Variants in RBMS3 observed in about 807,000 individuals in gnomAD.
RBMS3 encodes RNA-binding motif, single-stranded-interacting protein 3.
RBMS3 carries 27 observed loss-of-function variants against 66.8 expected under a neutral mutation model. The observed-to-expected ratio is 0.40, with a 90% confidence interval of 0.30 to 0.56. The LOEUF is 0.56. Among genes scored for constraint, RBMS3 ranks in the 20% least tolerant of loss-of-function variants. The pLI, the probability that RBMS3 is intolerant of heterozygous loss-of-function variation, is 0.40. For synonymous variants in RBMS3, 188 were observed against 183.0 expected (o/e 1.03, Z -0.22); for missense variants, 513 against 549.5 (o/e 0.93, Z 0.66).
At chr3:29,536,876 G>A (rs1403731010) in intron 3 of RBMS3, among the ~76,000 whole-genome samples, 1 of 152,186 alleles carries the variant, frequency 6.6e-6, no homozygotes, top group Non-Finnish European at 1.5e-5. Context: ...GAATTAGGCT[G>A]GACCTAAATG....
At chr3:29,744,556 G>A (rs2054792054) in intron 5 of RBMS3, among the ~76,000 whole-genome samples, 1 of 152,142 alleles carries the variant, frequency 6.6e-6, no homozygotes, top group Non-Finnish European at 1.5e-5. Context: ...GGCCAAGGCA[G>A]GCAGATCATG....
intron 1 of RBMS3, among the ~76,000 whole-genome samples, chr3:29,332,657 C>T (rs547728966): frequency 1.3e-5 from 2 of 152,204 alleles, no homozygotes; most frequent in South Asian, 4.1e-4. Flanking sequence ...AGTTATACAC[C>T]CTCTTTCCAA....
chr3:29,999,135 T>C (rs2125397099), intron 14 of RBMS3, among the ~76,000 whole-genome samples: 1 of 152,292 alleles, frequency 6.6e-6, no homozygotes, highest in East Asian at 1.9e-4. Flanking sequence ...AAGAAGACAT[T>C]TATGCAGCCA....
intron 7 of RBMS3, 38 bp from the exon 8 acceptor site, chr3:29,884,115 ATAAAAACGT>A (rs2059801336): frequency 1.3e-6 from 2 of 1,544,230 alleles, no homozygotes; most frequent in Non-Finnish European, 1.8e-6. Flanking sequence ...GGGCACCACA[ATAAAAACGT>A]TAAGATTTGT....
chr3:29,308,427 A>G (rs1451954831), intron 1 of RBMS3, among the ~76,000 whole-genome samples: 1 of 151,822 alleles, frequency 6.6e-6, no homozygotes, highest in Non-Finnish European at 1.5e-5. Context: ...GTACATAGAA[A>G]GCACTTAGTC....
At chr3:29,862,504 G>A (rs536170655) in intron 6 of RBMS3, among the ~76,000 whole-genome samples, 1 of 152,050 alleles carries the variant, frequency 6.6e-6, no homozygotes. Flanking sequence ...TTAACACAAA[G>A]AGAAACAGCA....
chr3:29,313,546 T>C (rs1286802706), intron 1 of RBMS3, among the ~76,000 whole-genome samples: 2 of 151,654 alleles, frequency 1.3e-5, no homozygotes, highest in Admixed American at 1.3e-4. Context: ...AACAGTACCA[T>C]GTTAAATGTC....
intron 1 of RBMS3, among the ~76,000 whole-genome samples, chr3:29,420,235 G>A (rs550694730): frequency 3.3e-5 from 5 of 152,244 alleles, no homozygotes; most frequent in Non-Finnish European, 7.4e-5. Context: ...AAATCAGCCT[G>A]TGCATTCCGC....
At chr3:29,765,424 T>G (rs915456443) in intron 6 of RBMS3, among the ~76,000 whole-genome samples, 1 of 151,994 alleles carries the variant, frequency 6.6e-6, no homozygotes, top group Non-Finnish European at 1.5e-5. Flanking sequence ...CCGAATCTTT[T>G]TCATTACTTT....
intron 2 of RBMS3, among the ~76,000 whole-genome samples, chr3:29,436,073 A>G (rs2041393216): frequency 6.6e-6 from 1 of 151,906 alleles, no homozygotes. Flanking sequence ...TTTGATTGTG[A>G]CTTAGCTGTG....
chr3:29,733,582 T>A (rs1297313143), intron 4 of RBMS3, among the ~76,000 whole-genome samples: 2 of 152,096 alleles, frequency 1.3e-5, no homozygotes, highest in East Asian at 1.9e-4. Context: ...AGATGATATA[T>A]CATTGTGGTT....
chr3:29,838,628 G>C, intron 6 of RBMS3, among the ~76,000 whole-genome samples: 1 of 152,144 alleles, frequency 6.6e-6, no homozygotes, highest in South Asian at 2.1e-4. Flanking sequence ...GACATTTGTC[G>C]CACATTTAAC....
At chr3:29,492,702 C>T (rs13318178) in intron 3 of RBMS3, among the ~76,000 whole-genome samples, 3,788 of 151,794 alleles carry the variant, frequency 0.025, 138 homozygotes, top group African/African-American at 0.084. Flanking sequence ...CTTACAGGTC[C>T]AGTGGGAGGA....
chr3:29,516,596 C>A (rs973489014), intron 3 of RBMS3, among the ~76,000 whole-genome samples: 1 of 151,972 alleles, frequency 6.6e-6, no homozygotes, highest in Admixed American at 6.6e-5. Flanking sequence ...GTGCATGCCA[C>A]CATGCCTAAG....
At chr3:29,875,497 T>C (rs1036080679) in intron 7 of RBMS3, among the ~76,000 whole-genome samples, 2 of 152,056 alleles carry the variant, frequency 1.3e-5, no homozygotes, top group African/African-American at 2.4e-5. Flanking sequence ...AAAAGGAACT[T>C]GACATACTAT....
At chr3:29,917,519 G>C (rs1300367753) in intron 10 of RBMS3, among the ~76,000 whole-genome samples, 1 of 152,058 alleles carries the variant, frequency 6.6e-6, no homozygotes, top group African/African-American at 2.4e-5. Flanking sequence ...TTGGGGAAGA[G>C]AGAAATCAAA....
At chr3:29,902,880 C>A (rs1402271111) in intron 10 of RBMS3, among the ~76,000 whole-genome samples, 1 of 151,844 alleles carries the variant, frequency 6.6e-6, no homozygotes, top group Non-Finnish European at 1.5e-5. Context: ...TGGTTTGTAT[C>A]TGAAAACAGT....
chr3:29,817,295 C>G (rs1418367004), intron 6 of RBMS3, among the ~76,000 whole-genome samples: 1 of 151,558 alleles, frequency 6.6e-6, no homozygotes, highest in Non-Finnish European at 1.5e-5. Context: ...CCACCACCAC[C>G]TGGGTTCAAG....
intron 1 of RBMS3, among the ~76,000 whole-genome samples, chr3:29,309,612 G>T (rs917597613): frequency 3.3e-5 from 5 of 151,496 alleles, no homozygotes; most frequent in African/African-American, 1.2e-4. Context: ...GCAGTGGTGG[G>T]GGGGGCGGTG....
Sources: gnomAD v4.1 joint callset for allele counts (sites outside exome capture counted in the v4.1 genomes callset) on GRCh38, gnomAD v4.1.1 for gene constraint, MANE v1.5 for transcripts, NCBI Gene and HGNC (gene_info 2026-07-23, HGNC 2026-07-21) for gene names.